Variants in ANKRD12 observed in about 807,000 individuals in gnomAD.
The protein encoded by ANKRD12 is ankyrin repeat domain-containing protein 12.
ANKRD12 carries 85 observed loss-of-function variants against 183.4 expected under a neutral mutation model. That is an observed-to-expected ratio of 0.46 (90% CI 0.39 to 0.56). The LOEUF (loss-of-function observed/expected upper bound fraction) is 0.56. ANKRD12 is among the 20% of genes least tolerant of loss of function. The probability of loss-of-function intolerance (pLI) is 0.00; values close to 1 mark genes in which losing one functional copy is unlikely to be tolerated. For missense variants in ANKRD12, 2,405 were observed against 2,357.1 expected (o/e 1.02, Z -0.42); for synonymous variants, 914 against 800.2 (o/e 1.14, Z -2.40).
Position 9,256,595 on chromosome 18 carries a change from T to C in ANKRD12, c.3328T>C (p.Leu1110=). Reference sequence around the variant, plus strand: ...AATTAAGCAAAAAGAAAAGGAACGGTTGAGAAACCGAAACTGTTTAGAACT... The same window carrying C: ...AATTAAGCAAAAAGAAAAGGAACGGCTGAGAAACCGAAACTGTTTAGAACT... ...EKIKQKEKER[L]RNRNCLELKI... The change falls in exon 9 of 13, where the codon TTG becomes CTG. Residue 1110 remains leucine (L), a synonymous_variant. Transcript: ENST00000262126. 1.2e-6 allele frequency: 2 copies of C among 1,602,134 alleles called. No individual in the cohort carries two copies. Among genetic ancestry groups the C allele is most frequent in the Non-Finnish European group, 1.7e-6 (2 of 1,177,304 alleles).
rs1405616952 is a variant in ANKRD12 at position 9,283,835 on chromosome 18, T to C, written c.*2709T>C. On this transcript the variant is annotated 3_prime_UTR_variant, in exon 13 of 13. Coordinates refer to ENST00000262126, the MANE Select transcript of ANKRD12 (RefSeq NM_015208.5). ...GGCAGCTAGCAAAATTGCAGAAATATGCATCCTGGGAAAAGAAACAGCCTT... is the reference window on the plus strand; with the variant it reads ...GGCAGCTAGCAAAATTGCAGAAATACGCATCCTGGGAAAAGAAACAGCCTT... 5.2e-5 allele frequency: 8 copies of C among 152,606 alleles called. No homozygotes were observed. Among genetic ancestry groups the C allele is most frequent in the Non-Finnish European group, 2.9e-5 (2 of 68,024 alleles). 9.5% of individuals were successfully genotyped at this position (152,606 alleles called of 1,614,324 possible). A position where few individuals can be genotyped will look rare whatever the true frequency, so the allele number is the denominator to read the frequency against.
At chr18:9,175,421 A>G (rs1335844328) in intron 1 of ANKRD12, among the ~76,000 whole-genome samples, 1 of 144,612 alleles carries the variant, frequency 6.9e-6, no homozygotes, top group Admixed American at 7.1e-5. Flanking sequence ...TTTCTCCCTG[A>G]TTCTCCCTCC....
intron 8 of ANKRD12, among the ~76,000 whole-genome samples, chr18:9,225,787 T>A (rs958377561): frequency 4.1e-4 from 62 of 152,296 alleles, no homozygotes; most frequent in Admixed American, 2.2e-3. Context: ...AGTACTTTTT[T>A]AAAAATCCCC....
chr18:9,260,935 C>T (rs1260459463), intron 9 of ANKRD12, among the ~76,000 whole-genome samples: 1 of 152,130 alleles, frequency 6.6e-6, no homozygotes, highest in Non-Finnish European at 1.5e-5. Flanking sequence ...CTGAACTTAC[C>T]CAATGACCTG....
intron 3 of ANKRD12, among the ~76,000 whole-genome samples, chr18:9,203,951 C>T (rs1170874956): frequency 1.3e-5 from 2 of 152,166 alleles, no homozygotes; most frequent in Non-Finnish European, 2.9e-5. Context: ...ATTTAGGTTA[C>T]TTTCTTTCCA....
intron 1 of ANKRD12, among the ~76,000 whole-genome samples, chr18:9,159,693 C>A (rs1048495278): frequency 6.6e-6 from 1 of 151,970 alleles, no homozygotes; most frequent in African/African-American, 2.4e-5. Context: ...CCCGCCTCGG[C>A]CTCCCAAAGT....
chr18:9,206,810 T>C (rs927396891), intron 4 of ANKRD12, among the ~76,000 whole-genome samples: 3 of 152,070 alleles, frequency 2.0e-5, no homozygotes, highest in Non-Finnish European at 2.9e-5. Context: ...TACTTTATCA[T>C]GTTAGACTGG....
rs761053832 is a variant in ANKRD12 at position 9,258,592 on chromosome 18, AGAT to A, written c.5328_5330del (p.Asp1778del). ...CTAGAGGAAGAATAAGATTAACTGA[AGAT>A]GACGATCCTCAAATTCACCATCCAC... On this transcript the variant is annotated inframe_deletion, in exon 9 of 13. Coordinates refer to ENST00000262126, the MANE Select transcript of ANKRD12 (RefSeq NM_015208.5). 1 of 1,613,916 alleles carries A rather than the reference AGAT, an allele frequency of 6.2e-7. No individual in the cohort carries two copies. The highest frequency in any genetic ancestry group is 8.5e-7 in the Non-Finnish European group (1 of 1,179,916).
rs768325622 is a variant in ANKRD12 at position 9,255,637 on chromosome 18, G to A, written c.2370G>A (p.Met790Ile). 7.6e-6 allele frequency: 12 copies of A among 1,574,694 alleles called. No individual in the cohort carries two copies. Among genetic ancestry groups the A allele is most frequent in the Non-Finnish European group, 1.0e-5 (12 of 1,169,826 alleles). The change falls in exon 9 of 13, where the codon ATG (methionine) becomes ATA (isoleucine). Residue 790 changes from methionine (M) to isoleucine (I), a missense_variant. By Grantham distance (10) the Met-to-Ile change is conservative (BLOSUM62 1). Coordinates refer to ENST00000262126, the MANE Select transcript of ANKRD12 (RefSeq NM_015208.5). Reference protein sequence around the residue: ...DKDSEFTSLGMSAIEESIGLH... With the variant: ...DKDSEFTSLGISAIEESIGLH... The stretch of plus-strand genomic sequence containing the variant: ...ACTCAGAATTTACTTCTTTGGGTAT[G>A]AGTGCCATTGAGGAATCTATAGGGC...
At chr18:9,203,595 G>A (rs972352844) in intron 3 of ANKRD12, among the ~76,000 whole-genome samples, 25 of 151,468 alleles carry the variant, frequency 1.7e-4, no homozygotes, top group African/African-American at 4.1e-4. Context: ...GTGTGTGTGT[G>A]TATATATATT....
In ANKRD12 at chr18:9,258,237, C is replaced by T; in HGVS notation, c.4970C>T (p.Ala1657Val). 1 of 1,613,730 alleles carries T rather than the reference C, an allele frequency of 6.2e-7. No individual in the cohort carries two copies. Among genetic ancestry groups the T allele is most frequent in the Non-Finnish European group, 8.5e-7 (1 of 1,179,920 alleles). ...RCDSDLCEMN[A>V]GMPKGNLNEQ... ...GATTCTGATTTATGTGAAATGAATG[C>T]AGGGATGCCAAAAGGAAACCTAAAT... is the stretch of plus-strand genomic sequence containing the variant. Residue 1657 changes from alanine (A) to valine (V), a missense_variant, in exon 9 of 13, where the codon GCA becomes GTA. This residue lies in a region of ANKRD12 where 1,983 missense variants were observed against 1,725.9 expected (regional missense o/e 1.15). Transcript: ENST00000262126.
Position 9,258,883 on chromosome 18 carries a change from A to G in ANKRD12, c.5616A>G (p.Gly1872=). ...QYYDEYVTFN[G]SYLLDGNPLS... is the part of the protein sequence containing the mutation. ...ATGACGAATATGTAACATTTAACGG[A>G]TCATATCTCCTGGATGGAAACCCCT... The change falls in exon 9 of 13, where the codon GGA becomes GGG. Residue 1872 remains glycine, a synonymous_variant. Transcript: ENST00000262126. 1 of 1,612,334 alleles carries G rather than the reference A, an allele frequency of 6.2e-7. No individual in the cohort carries two copies. Among genetic ancestry groups the G allele is most frequent in the Non-Finnish European group, 8.5e-7 (1 of 1,179,208 alleles).
chr18:9,256,138 G>A lies in ANKRD12; in HGVS notation c.2871G>A (p.Glu957=), dbSNP rs756571446. 1.9e-6 allele frequency: 3 copies of A among 1,557,116 alleles called. No individual in the cohort carries two copies. Among genetic ancestry groups the A allele is most frequent in the South Asian group, 2.5e-5 (2 of 80,606 alleles). ...EKGKNKEKDR[E]LDKKEKSRDK... is the part of the protein sequence containing the mutation. ...GCAAAAATAAAGAAAAAGACAGGGA[G>A]CTAGATAAAAAGGAAAAATCTAGAG... The change falls in exon 9 of 13, where the codon GAG becomes GAA. Residue 957 remains glutamate, a synonymous_variant. Transcript: ENST00000262126.
At chr18:9,274,846 C>T (rs750697787) in intron 10 of ANKRD12, among the ~76,000 whole-genome samples, 1 of 152,124 alleles carries the variant, frequency 6.6e-6, no homozygotes, top group Admixed American at 6.6e-5. Context: ...GGTCTTGCCA[C>T]TATGCCTGGC....
chr18:9,216,143 G>A (rs1052509093), intron 6 of ANKRD12, among the ~76,000 whole-genome samples: 3 of 151,474 alleles, frequency 2.0e-5, no homozygotes, highest in Non-Finnish European at 2.9e-5. Flanking sequence ...AAAAAAGTGA[G>A]ACACAAATTT....
chr18:9,209,700 A>G (rs983167782), intron 5 of ANKRD12, among the ~76,000 whole-genome samples: 1 of 152,212 alleles, frequency 6.6e-6, no homozygotes, highest in Non-Finnish European at 1.5e-5. Context: ...AACATGGGAA[A>G]GTCTGTGACC....
chr18:9,190,417 G>C (rs1222508338), intron 2 of ANKRD12, among the ~76,000 whole-genome samples: 1 of 152,150 alleles, frequency 6.6e-6, no homozygotes, highest in Non-Finnish European at 1.5e-5. Flanking sequence ...TGGTGAAGAT[G>C]CTAGAAACAT....
chr18:9,261,745 C>T (rs1400673203), intron 9 of ANKRD12, among the ~76,000 whole-genome samples: 2 of 152,062 alleles, frequency 1.3e-5, no homozygotes, highest in Non-Finnish European at 2.9e-5. Context: ...TGGGAATTAC[C>T]TCCCTCCCTC....
At chr18:9,252,978 T>G (rs1222528913) in intron 8 of ANKRD12, among the ~76,000 whole-genome samples, 1 of 152,130 alleles carries the variant, frequency 6.6e-6, no homozygotes, top group East Asian at 1.9e-4. Flanking sequence ...AGCTAATGTT[T>G]CCCCTTAATC....
Sources: allele counts gnomAD v4.1 joint callset (sites outside exome capture counted in the v4.1 genomes callset), GRCh38; gene constraint gnomAD v4.1.1; regional missense constraint gnomAD v4.1.1; transcripts MANE v1.5; gene names NCBI Gene and HGNC (gene_info 2026-07-23, HGNC 2026-07-21).